SPRED2: variants seen among roughly 807,000 people sequenced by gnomAD.
SPRED2 encodes the protein sprouty related EVH1 domain containing 2, also known as sprouty-related, EVH1 domain-containing protein 2.
In SPRED2, 47 loss-of-function variants were observed where a neutral mutation model predicts 43.0. That is an observed-to-expected ratio of 1.09 (90% CI 0.87 to 1.40). SPRED2 has a LOEUF of 1.40. Among genes scored for constraint, SPRED2 ranks in the 40% most tolerant of loss-of-function variants. The pLI is 0.00. For synonymous variants in SPRED2, 225 were observed against 225.7 expected (o/e 1.00, Z 0.03); for missense variants, 561 against 586.4 (o/e 0.96, Z 0.45).
At position 65,378,654 on chromosome 2, in the gene SPRED2, C is replaced by G. The variant is rs578247774; in HGVS notation, c.27-33758G>C. ...GGGTGACATTGTGTCCTGTGTGATCCTCAGATGATAAGAGTTGGTGACCGC... is the reference window on the plus strand; with the variant it reads ...GGGTGACATTGTGTCCTGTGTGATCGTCAGATGATAAGAGTTGGTGACCGC... On this transcript the variant is annotated intron_variant, in intron 1 of 5. Coordinates refer to ENST00000356388, the MANE Select transcript of SPRED2 (RefSeq NM_181784.3). 2.0e-5 allele frequency among the ~76,000 whole-genome samples: 3 copies of G among 152,312 alleles called. No individual in the cohort carries two copies. In the East Asian group the frequency reaches 5.8e-4, roughly 29 times the overall value.
chr2:65,429,695 G>A (rs1676632709), intron 1 of SPRED2, among the ~76,000 whole-genome samples: 1 of 152,276 alleles, frequency 6.6e-6, no homozygotes, highest in East Asian at 1.9e-4. Context: ...TTCTTCTCAG[G>A]CATTTTAAGT....
intron 2 of SPRED2, chr2:65,344,466 G>T (rs1674280736): frequency 1.7e-6 from 1 of 601,388 alleles, no homozygotes. Context: ...CTTAATCAAA[G>T]ATGCAAATAA....
chr2:65,360,101 A>AAAAAAAAAAAAAAAAAAAAC (rs1674768482), intron 1 of SPRED2, among the ~76,000 whole-genome samples: 95 of 12,370 alleles, frequency 7.7e-3, no homozygotes, highest in Non-Finnish European at 0.017. Context: ...AAAAAAAAAC[A>AAAAAAAAAAAAAAAAAAAAC]AAAAAAAAAA....
intron 1 of SPRED2, chr2:65,377,579 G>C (rs537863564): frequency 2.8e-5 from 13 of 471,218 alleles, no homozygotes; most frequent in African/African-American, 2.4e-4. Context: ...GACTGATGAG[G>C]TGGTAGGTGT....
chr2:65,403,520 G>C lies in SPRED2; in HGVS notation c.26+28442C>G, dbSNP rs368961883. On this transcript the variant is annotated intron_variant, in intron 1 of 5. Coordinates refer to ENST00000356388, the MANE Select transcript of SPRED2 (RefSeq NM_181784.3). ...GGGCTCAAGCAATCCCCCCACCTTG[G>C]CCTCCTAAAATGCTGGGATTACATG... 5.3e-5 allele frequency among the ~76,000 whole-genome samples: 8 copies of C among 152,254 alleles called. 1 individual carries two copies. Among genetic ancestry groups the C allele is most frequent in the African/African-American group, 1.9e-4 (8 of 41,540 alleles).
Position 65,310,944 on chromosome 2 carries a change from T to C in SPRED2, c.*2557A>G. 1.0e-6 allele frequency: 1 copy of C among 983,448 alleles called. No homozygotes were observed. The highest frequency in any genetic ancestry group is 1.2e-6 in the Non-Finnish European group (1 of 827,780). 60.9% of individuals were successfully genotyped at this position (983,448 alleles called of 1,614,324 possible). ...GAAACCATAAAAAAAAGTTAAGAAC[T>C]AAAATGTACATCATACACTTGTATA... On this transcript the variant is annotated 3_prime_UTR_variant, in exon 6 of 6. Transcript: ENST00000356388.
chr2:65,343,419 T>C (rs761260970), intron 2 of SPRED2, among the ~76,000 whole-genome samples: 2 of 152,230 alleles, frequency 1.3e-5, no homozygotes, highest in South Asian at 2.1e-4. Context: ...TTCTGTCTTA[T>C]CTATTTTCTA....
intron 1 of SPRED2, among the ~76,000 whole-genome samples, chr2:65,381,508 T>C (rs919929860): frequency 6.6e-6 from 1 of 152,240 alleles, no homozygotes; most frequent in Non-Finnish European, 1.5e-5. Flanking sequence ...CTGGGGCATC[T>C]TGGGGTTTGT....
At chr2:65,327,978 T>A (rs912571850) in intron 4 of SPRED2, among the ~76,000 whole-genome samples, 3 of 152,160 alleles carry the variant, frequency 2.0e-5, no homozygotes, top group South Asian at 2.1e-4. Context: ...CACCTTGGCC[T>A]CCCAAAGTGC....
chr2:65,327,775 G>A (rs1673680845), intron 4 of SPRED2, among the ~76,000 whole-genome samples: 2 of 135,356 alleles, frequency 1.5e-5, no homozygotes, highest in African/African-American at 5.6e-5. Context: ...CCAGGCTGGA[G>A]TGCAATGGTG....
intron 1 of SPRED2, among the ~76,000 whole-genome samples, chr2:65,422,601 C>T (rs369352251): frequency 2.0e-5 from 3 of 152,226 alleles, no homozygotes; most frequent in South Asian, 4.1e-4. Flanking sequence ...ATAATTTACA[C>T]ATAATTTTGC....
chr2:65,375,540 C>T (rs1675219831), intron 1 of SPRED2, among the ~76,000 whole-genome samples: 1 of 152,192 alleles, frequency 6.6e-6, no homozygotes, highest in Admixed American at 6.5e-5. Context: ...GGACAGCTCT[C>T]AAGTTTCATT....
intron 1 of SPRED2, among the ~76,000 whole-genome samples, chr2:65,393,538 T>C (rs1405328058): frequency 2.0e-5 from 3 of 152,106 alleles, no homozygotes; most frequent in Admixed American, 1.3e-4. Flanking sequence ...TTTCATCATG[T>C]TGGCCAGGCT....
intron 1 of SPRED2, among the ~76,000 whole-genome samples, chr2:65,381,588 T>C (rs928577986): frequency 1.3e-5 from 2 of 152,192 alleles, no homozygotes; most frequent in Admixed American, 6.5e-5. Flanking sequence ...CCTTAATACA[T>C]GTTGACACCT....
intron 1 of SPRED2, among the ~76,000 whole-genome samples, chr2:65,421,383 A>AC (rs1676418828): frequency 6.6e-6 from 1 of 152,220 alleles, no homozygotes; most frequent in Non-Finnish European, 1.5e-5. Context: ...CATCACAGCC[A>AC]TGGATAAGCC....
chr2:65,369,404 C>G (rs887424351), intron 1 of SPRED2, among the ~76,000 whole-genome samples: 3 of 152,178 alleles, frequency 2.0e-5, no homozygotes, highest in Non-Finnish European at 2.9e-5. Flanking sequence ...CACCCCCAAC[C>G]CCCACTACCA....
chr2:65,366,695 C>T, intron 1 of SPRED2: 2 of 1,530,260 alleles, frequency 1.3e-6, no homozygotes, highest in Non-Finnish European at 1.8e-6. Flanking sequence ...TCTTGCTGAC[C>T]TGAGAACCAG....
chr2:65,406,960 G>A (rs1323850456), intron 1 of SPRED2, among the ~76,000 whole-genome samples: 3 of 149,532 alleles, frequency 2.0e-5, no homozygotes, highest in South Asian at 4.2e-4. Flanking sequence ...ACGGAGTCTC[G>A]CTCTGTCGCC....
At chr2:65,351,534 C>T (rs1256363927) in intron 1 of SPRED2, among the ~76,000 whole-genome samples, 2 of 152,210 alleles carry the variant, frequency 1.3e-5, no homozygotes, top group Non-Finnish European at 2.9e-5. Context: ...GCCCAACTCC[C>T]AGACGCCAGC....
Sources: gnomAD v4.1 joint callset for allele counts (sites outside exome capture counted in the v4.1 genomes callset) on GRCh38, gnomAD v4.1.1 for gene constraint, MANE v1.5 for transcripts, NCBI Gene and HGNC (gene_info 2026-07-23, HGNC 2026-07-21) for gene names.